The following NUDC variants were observed in gnomAD, a reference collection of about 807,000 sequenced individuals.
NUDC encodes nuclear migration protein nudC.
A neutral mutation model predicts 45.0 loss-of-function variants in NUDC; 14 were observed. The observed-to-expected ratio is 0.31, with a 90% CI of 0.21 to 0.49. NUDC has a LOEUF of 0.49. Ranked by LOEUF, NUDC falls within the 20% of genes least tolerant of loss-of-function variation. The pLI is 0.99. For synonymous variants in NUDC, 153 were observed against 156.7 expected (o/e 0.98, Z 0.17); for missense variants, 323 against 426.2 (o/e 0.76, Z 2.13).
intron 2 of NUDC, among the ~76,000 whole-genome samples, chr1:26,932,065 T>C (rs758853261): frequency 1.1e-4 from 17 of 150,676 alleles, no homozygotes; most frequent in Non-Finnish European, 1.8e-4. Flanking sequence ...CCCACTGGAG[T>C]GCAGTGGCAT....
At chr1:26,942,481 T>C (rs1039891217) in intron 4 of NUDC, among the ~76,000 whole-genome samples, 179 bp from the exon 5 acceptor site, 5 of 152,210 alleles carry the variant, frequency 3.3e-5, no homozygotes, top group African/African-American at 1.2e-4. Flanking sequence ...GAACCAAGTT[T>C]TACCTGGTTC....
chr1:26,941,440 C>T lies in NUDC; in HGVS notation c.160-17C>T. ...GTCCCCTGCTCTGATGCCTCATGGC[C>T]TTTCTTCCCTCTCCAGCTTATCACA... On this transcript the variant is annotated splice_polypyrimidine_tract_variant and intron_variant, in intron 2 of 8. Coordinates refer to ENST00000321265, the MANE Select transcript of NUDC (RefSeq NM_006600.4). The T allele has an allele frequency of 6.2e-7, 1 of 1,612,326 alleles. No homozygotes were observed. The highest frequency in any genetic ancestry group is 8.5e-7 in the Non-Finnish European group (1 of 1,179,618).
intron 6 of NUDC, 63 bp downstream of exon 6, chr1:26,943,128 T>C (rs1389515678): frequency 1.3e-6 from 2 of 1,559,494 alleles, no homozygotes; most frequent in Admixed American, 1.7e-5. Flanking sequence ...GGATGTGTGC[T>C]TAGTTTACTC....
At chr1:26,926,215 T>A (rs2082131678) in intron 2 of NUDC, among the ~76,000 whole-genome samples, 1 of 152,042 alleles carries the variant, frequency 6.6e-6, no homozygotes, top group Non-Finnish European at 1.5e-5. Context: ...ACAAGAGACA[T>A]AATAAGAAGG....
At chr1:26,937,323 C>T (rs2871812) in intron 2 of NUDC, among the ~76,000 whole-genome samples, 6,322 of 152,088 alleles carry the variant, frequency 0.042, 412 homozygotes, top group African/African-American at 0.14. Context: ...AGTGCAGCGG[C>T]GCAATCTCGG....
chr1:26,925,813 G>A lies in NUDC; in HGVS notation c.159+1647G>A, dbSNP rs375640059. Among the ~76,000 whole-genome samples the A allele has an allele frequency of 1.0e-4, 15 of 146,514 alleles. No individual in the cohort carries two copies. The East Asian group carries it at 2.1e-3, about 20-fold the overall frequency. On this transcript the variant is annotated intron_variant, in intron 2 of 8. Transcript: ENST00000321265. ...CTCAGCTCACCACAACCTCCGCCTT[G>A]CGAGTTCAAGCAATTCTCCTGCCTC...
upstream of NUDC, among the ~76,000 whole-genome samples, chr1:26,919,245 C>T (rs930701083): frequency 5.3e-5 from 8 of 151,966 alleles, no homozygotes; most frequent in African/African-American, 1.9e-4. Flanking sequence ...TGCCATGCCC[C>T]GCTAATTTTT....
intron 2 of NUDC, among the ~76,000 whole-genome samples, chr1:26,924,576 C>CA (rs1477711649): frequency 6.6e-6 from 1 of 152,200 alleles, no homozygotes; most frequent in African/African-American, 2.4e-5. Flanking sequence ...TTTTCTGAGA[C>CA]AGAGTCTTGC....
chr1:26,901,243 C>G (rs964525708), intron 1 of NUDC, among the ~76,000 whole-genome samples: 1 of 151,772 alleles, frequency 6.6e-6, no homozygotes, highest in African/African-American at 2.4e-5. Context: ...ATGCAACCCA[C>G]TATGCCTGGC....
At chr1:26,925,016 G>A (rs1475686679) in intron 2 of NUDC, among the ~76,000 whole-genome samples, 1 of 151,148 alleles carries the variant, frequency 6.6e-6, no homozygotes, top group Non-Finnish European at 1.5e-5. Context: ...AAGTAGCTGG[G>A]ATTACAGGCA....
At chr1:26,936,136 T>C (rs538555708) in intron 2 of NUDC, among the ~76,000 whole-genome samples, 204 of 4,436 alleles carry the variant, frequency 0.046, 1 homozygote, top group Non-Finnish European at 0.094. Context: ...GCCCGGCTAA[T>C]ATATATATAT....
chr1:26,941,665 A>G lies in NUDC; in HGVS notation c.363+5A>G. On this transcript the variant is annotated splice_donor_5th_base_variant and intron_variant, in intron 3 of 8. Transcript: ENST00000321265. ...CTGCAGCTAGAGATTGACCAGGTGAAGGGTGGGCTTCCCTTCTCCACCCCT... is the reference window on the plus strand; with the variant it reads ...CTGCAGCTAGAGATTGACCAGGTGAGGGGTGGGCTTCCCTTCTCCACCCCT... 6.2e-7 allele frequency: 1 copy of G among 1,612,432 alleles called. No individual in the cohort carries two copies. The highest frequency in any genetic ancestry group is 8.5e-7 in the Non-Finnish European group (1 of 1,179,222).
In NUDC at chr1:26,945,272, TG is replaced by T. The variant is rs111874123; in HGVS notation, c.742-117del. Reference sequence around the variant, plus strand: ...TGTACCTCTGGATCCAGTGTAGGCCTGCAAGGGTCTCAGGTGCAGGATGTGG... The same window carrying T: ...TGTACCTCTGGATCCAGTGTAGGCCTCAAGGGTCTCAGGTGCAGGATGTGG... On this transcript the variant is annotated intron_variant, in intron 6 of 8. Transcript: ENST00000321265. The T allele has an allele frequency of 0.011, 9,146 of 808,952 alleles. 501 individuals are homozygous for T. The African/African-American group carries it at 0.13, about 12-fold the overall frequency. 50.1% of individuals were successfully genotyped at this position (808,952 alleles called of 1,614,324 possible). A position where few individuals can be genotyped will look rare whatever the true frequency, so the allele number is the denominator to read the frequency against.
intron 2 of NUDC, among the ~76,000 whole-genome samples, chr1:26,906,052 C>T (rs532068923): frequency 3.3e-5 from 5 of 152,218 alleles, no homozygotes; most frequent in East Asian, 1.9e-4. Flanking sequence ...GAGGGCGAGG[C>T]GGGCGGATCA....
chr1:26,904,852 A>ATT (rs35902327), intron 2 of NUDC, among the ~76,000 whole-genome samples: 22 of 143,240 alleles, frequency 1.5e-4, no homozygotes, highest in Non-Finnish European at 2.8e-4. Flanking sequence ...TTATTATATA[A>ATT]TTTTTTTTTT....
intron 6 of NUDC, 90 bp from the exon 7 acceptor site, chr1:26,945,300 T>G: frequency 2.0e-6 from 2 of 1,017,488 alleles, no homozygotes; most frequent in Non-Finnish European, 3.1e-6. Context: ...AGGATGTGGA[T>G]GGGAGAGAGT....
chr1:26,911,446 G>A, intron 3 of NUDC: 1 of 344,026 alleles, frequency 2.9e-6, no homozygotes, highest in Non-Finnish European at 5.7e-6. Flanking sequence ...CTGGAGGTGA[G>A]ACAGTCCCTT....
chr1:26,906,978 C>A (rs1030432992), intron 2 of NUDC, among the ~76,000 whole-genome samples: 6 of 152,280 alleles, frequency 3.9e-5, no homozygotes, highest in African/African-American at 1.4e-4. Context: ...AAGAGGAGGT[C>A]TCCTTTGTTA....
intron 3 of NUDC, chr1:26,913,535 G>A: frequency 6.2e-7 from 1 of 1,613,848 alleles, no homozygotes; most frequent in Non-Finnish European, 8.5e-7. Context: ...GGTCTGTCTG[G>A]CAGTTGGCCA....
Sources: gnomAD v4.1 joint callset for allele counts (sites outside exome capture counted in the v4.1 genomes callset) on GRCh38, gnomAD v4.1.1 for gene constraint, MANE v1.5 for transcripts, NCBI Gene and HGNC (gene_info 2026-07-23, HGNC 2026-07-21) for gene names.